Variants in ETAA1 observed in about 807,000 individuals in gnomAD.
ETAA1 encodes the protein ewing's tumor-associated antigen 1.
In ETAA1, 49 loss-of-function variants were observed where a neutral mutation model predicts 76.8. The observed-to-expected ratio is 0.64, with a 90% CI of 0.51 to 0.81. The LOEUF (loss-of-function observed/expected upper bound fraction) is 0.81, where lower values mean the gene tolerates loss of function less well. Ranked by LOEUF, ETAA1 falls within the 30% of genes least tolerant of loss-of-function variation. The pLI is 0.00. For synonymous variants in ETAA1, 373 were observed against 372.2 expected (o/e 1.00, Z -0.03); for missense variants, 1,099 against 1,074.0 (o/e 1.02, Z -0.32).
rs1676357514 is a variant in ETAA1 at position 67,411,019 on chromosome 2, A to T, written c.*981A>T. On this transcript the variant is annotated 3_prime_UTR_variant, in exon 6 of 6. Coordinates refer to ENST00000272342, the MANE Select transcript of ETAA1 (RefSeq NM_019002.4). ...AGTCTTTCCAGGATATAAAAATGAG[A>T]ATCTTTTTTCTTTTCAGTTTTTCTG... The T allele has an allele frequency of 6.6e-6, 1 of 152,032 alleles. No homozygotes were observed. The highest frequency in any genetic ancestry group is 1.5e-5 in the Non-Finnish European group (1 of 67,960). The allele number at this position is 152,032 out of a possible 1,614,324, so 9.4% of individuals were successfully genotyped here.
rs1196443848 is a variant in ETAA1, at chr2:67,411,405, A to C, written c.*1367A>C. On this transcript the variant is annotated 3_prime_UTR_variant, in exon 6 of 6. Coordinates refer to ENST00000272342, the MANE Select transcript of ETAA1 (RefSeq NM_019002.4). Reference sequence around the variant, plus strand: ...CATGAGTTGAAAATACCTTAAGTTAAAAATGCATTTACTACACTTAATCTA... The same window carrying C: ...CATGAGTTGAAAATACCTTAAGTTACAAATGCATTTACTACACTTAATCTA... 1 of 152,080 alleles carries C rather than the reference A, an allele frequency of 6.6e-6. No individual in the cohort carries two copies. The highest frequency in any genetic ancestry group is 1.9e-4 in the East Asian group (1 of 5,198). 9.4% of individuals were successfully genotyped at this position (152,080 alleles called of 1,614,324 possible). A position where few individuals can be genotyped will look rare whatever the true frequency, so the allele number is the denominator to read the frequency against.
In ETAA1 at chr2:67,397,427, T is replaced by C; in HGVS notation, c.-22T>C. 6.4e-7 allele frequency: 1 copy of C among 1,573,474 alleles called. No homozygotes were observed. Among genetic ancestry groups the C allele is most frequent in the Non-Finnish European group, 8.6e-7 (1 of 1,158,882 alleles). ...TGCAAAATGTGAAAGAAGAAGCGGCTGGTGGAGGCGGGCCATAGGCAATGA... is the reference window on the plus strand; with the variant it reads ...TGCAAAATGTGAAAGAAGAAGCGGCCGGTGGAGGCGGGCCATAGGCAATGA... On this transcript the variant is annotated 5_prime_UTR_variant, in exon 1 of 6. Coordinates refer to ENST00000272342, the MANE Select transcript of ETAA1 (RefSeq NM_019002.4).
chr2:67,408,110 T>C (rs913918508), intron 5 of ETAA1, among the ~76,000 whole-genome samples: 1 of 152,220 alleles, frequency 6.6e-6, no homozygotes, highest in African/African-American at 2.4e-5. Context: ...TCTTAATTAC[T>C]ATTAACTTTG....
chr2:67,404,624 A>T lies in ETAA1; in HGVS notation c.1942A>T (p.Lys648Ter). 6.2e-7 allele frequency: 1 copy of T among 1,613,480 alleles called. No individual in the cohort carries two copies. Among genetic ancestry groups the T allele is most frequent in the Non-Finnish European group, 8.5e-7 (1 of 1,179,602 alleles). The part of the protein sequence containing the change: ...EINNNSEHGA[K>*]LTQQQDIRKD... ...CAATAATAATTCCGAACATGGAGCC[A>T]AACTAACTCAGCAACAAGACATTAG... Residue 648 changes from lysine to a stop codon, truncating the protein, a stop_gained, in exon 5 of 6, where the codon AAA becomes TAA. Transcript: ENST00000272342. LOFTEE classifies it high-confidence loss of function.
rs761052430 is a variant in ETAA1 at position 67,402,851 on chromosome 2, A to G, written c.430-11A>G. On this transcript the variant is annotated splice_polypyrimidine_tract_variant and intron_variant, in intron 3 of 5. Coordinates refer to ENST00000272342, the MANE Select transcript of ETAA1 (RefSeq NM_019002.4). Reference sequence around the variant, plus strand: ...GTACTTTATACCTCTTTTTTTCCCTATCTGCCAAAGGATGAAAAACCAACA... The same window carrying G: ...GTACTTTATACCTCTTTTTTTCCCTGTCTGCCAAAGGATGAAAAACCAACA... 10 of 1,564,720 alleles carry G rather than the reference A, an allele frequency of 6.4e-6. No individual in the cohort carries two copies. The East Asian group carries it at 7.0e-5, about 11-fold the overall frequency.
chr2:67,403,934 A>C lies in ETAA1; in HGVS notation c.1252A>C (p.Thr418Pro). The C allele has an allele frequency of 6.2e-7, 1 of 1,611,544 alleles. No homozygotes were observed. The highest frequency in any genetic ancestry group is 8.5e-7 in the Non-Finnish European group (1 of 1,179,076). The change falls in exon 5 of 6, where the codon ACC (threonine) becomes CCC (proline). Residue 418 changes from threonine (T) to proline (P), a missense_variant. Around this residue, in one of 3 missense-constraint regions of ETAA1, gnomAD observed 761 missense variants for 731.9 expected, o/e 1.04. Transcript: ENST00000272342. ...TGTTACTGATCAAAAGGAAATTTGT[A>C]CCTTTAATAGTAAAACTGTTAAAAA... Reference protein sequence around the residue: ...AHVTDQKEICTFNSKTVKNTS... With the variant: ...AHVTDQKEICPFNSKTVKNTS...
In ETAA1 at chr2:67,404,097, A is replaced by G; in HGVS notation, c.1415A>G (p.Lys472Arg). The G allele has an allele frequency of 3.8e-6, 6 of 1,594,838 alleles. No homozygotes were observed. The highest frequency in any genetic ancestry group is 4.3e-6 in the Non-Finnish European group (5 of 1,173,250). The change falls in exon 5 of 6, where the codon AAA (lysine) becomes AGA (arginine). Residue 472 changes from lysine (K) to arginine (R), a missense_variant. Around this residue, in one of 3 missense-constraint regions of ETAA1, gnomAD observed 761 missense variants for 731.9 expected, o/e 1.04. Coordinates refer to ENST00000272342, the MANE Select transcript of ETAA1 (RefSeq NM_019002.4). Reference protein sequence around the residue: ...RFSPNSNKSNKLSTGNKMKFE... With the variant: ...RFSPNSNKSNRLSTGNKMKFE... Reference sequence around the variant, plus strand: ...TCACCAAATTCAAATAAATCAAACAAATTATCCACTGGAAATAAAATGAAA... The same window carrying G: ...TCACCAAATTCAAATAAATCAAACAGATTATCCACTGGAAATAAAATGAAA...
chr2:67,397,588 G>C lies in ETAA1; in HGVS notation c.140G>C (p.Gly47Ala). Residue 47 changes from glycine (G) to alanine (A), a missense_variant, in exon 1 of 6, where the codon GGG (glycine) becomes GCG (alanine). Physicochemically the swap from Gly to Ala is moderately conservative, Grantham distance 60. This residue lies in a region of ETAA1 where 761 missense variants were observed against 731.9 expected (regional missense o/e 1.04). Transcript: ENST00000272342. ...LRSARGSWPCGAREGPPGPVR... is the reference protein window; with the variant it reads ...LRSARGSWPCAAREGPPGPVR... ...TCGGCCCGCGGTTCGTGGCCCTGCG[G>C]GGCTAGAGAGGGGCCTCCCGGGCCA... The C allele has an allele frequency of 6.4e-7, 1 of 1,554,408 alleles. No homozygotes were observed. The highest frequency in any genetic ancestry group is 8.7e-7 in the Non-Finnish European group (1 of 1,149,672).
chr2:67,410,216 G>A lies in ETAA1; in HGVS notation c.*178G>A. 2 of 594,156 alleles carry A rather than the reference G, an allele frequency of 3.4e-6. No homozygotes were observed. The highest frequency in any genetic ancestry group is 5.7e-6 in the Non-Finnish European group (2 of 353,868). 36.8% of individuals were successfully genotyped at this position (594,156 alleles called of 1,614,324 possible). ...GTAAATGAAACATTTCCTTGGACATGTATTTGAAAGTCATTAAATACAAAA... is the reference window on the plus strand; with the variant it reads ...GTAAATGAAACATTTCCTTGGACATATATTTGAAAGTCATTAAATACAAAA... On this transcript the variant is annotated 3_prime_UTR_variant, in exon 6 of 6. Coordinates refer to ENST00000272342, the MANE Select transcript of ETAA1 (RefSeq NM_019002.4).
chr2:67,398,776 T>G (rs944771914), intron 1 of ETAA1, among the ~76,000 whole-genome samples: 9 of 152,194 alleles, frequency 5.9e-5, no homozygotes, highest in African/African-American at 2.2e-4. Flanking sequence ...GTAGATTAGA[T>G]AGAGTTGGTG....
intron 3 of ETAA1, 100 bp downstream of exon 3, chr2:67,399,726 C>A (rs1312050010): frequency 9.4e-6 from 7 of 748,298 alleles, no homozygotes; most frequent in South Asian, 2.5e-5. Context: ...TATTATAATT[C>A]TTTTTTCCAA....
rs759198673 is a variant in ETAA1, at chr2:67,403,927, A to T, written c.1245A>T (p.Glu415Asp). 3 of 1,611,892 alleles carry T rather than the reference A, an allele frequency of 1.9e-6. No homozygotes were observed. In the Admixed American group the frequency reaches 5.0e-5, roughly 27 times the overall value. ...CAGCCCATGTTACTGATCAAAAGGA[A>T]ATTTGTACCTTTAATAGTAAAACTG... The part of the protein sequence containing the change: ...SKTAHVTDQK[E>D]ICTFNSKTVK... Residue 415 changes from glutamate (E) to aspartate (D), a missense_variant, in exon 5 of 6, where the codon GAA (glutamate) becomes GAT (aspartate). This residue lies in a region of ETAA1 where 761 missense variants were observed against 731.9 expected (regional missense o/e 1.04). Coordinates refer to ENST00000272342, the MANE Select transcript of ETAA1 (RefSeq NM_019002.4).
At chr2:67,399,663 G>A (rs780170971) in intron 3 of ETAA1, 37 bp downstream of exon 3, 1 of 1,343,332 alleles carries the variant, frequency 7.4e-7, no homozygotes, top group Non-Finnish European at 1.1e-6. Flanking sequence ...TTTTAAAACA[G>A]TGAAGAATGT....
Position 67,403,573 on chromosome 2 carries a change from A to G in ETAA1, c.891A>G (p.Leu297=). ...DGSTQKCSGQ[L]SQELPEAFWS... ...CTACTCAGAAATGTAGCGGACAGTT[A>G]AGCCAAGAACTGCCAGAGGCTTTTT... The change falls in exon 5 of 6, where the codon TTA becomes TTG. Residue 297 remains leucine, a synonymous_variant. Transcript: ENST00000272342. 6.2e-7 allele frequency: 1 copy of G among 1,613,376 alleles called. No individual in the cohort carries two copies. The highest frequency in any genetic ancestry group is 8.5e-7 in the Non-Finnish European group (1 of 1,179,412).
rs1330660381 is a variant in ETAA1, at chr2:67,405,247, A to C, written c.2565A>C (p.Lys855Asn). 2 of 1,611,630 alleles carry C rather than the reference A, an allele frequency of 1.2e-6. No individual in the cohort carries two copies. Among genetic ancestry groups the C allele is most frequent in the African/African-American group, 2.7e-5 (2 of 74,790 alleles). The change falls in exon 5 of 6, where the codon AAA becomes AAC. Residue 855 changes from lysine (K) to asparagine (N), a missense_variant. By Grantham distance (94) the Lys-to-Asn change is moderately conservative (BLOSUM62 0). Around this residue, in one of 3 missense-constraint regions of ETAA1, gnomAD observed 302 missense variants for 278.1 expected, o/e 1.09. Coordinates refer to ENST00000272342, the MANE Select transcript of ETAA1 (RefSeq NM_019002.4). Reference sequence around the variant, plus strand: ...CCAAAATTACACAGGGTGTGGAGAAAAAGAAAGGTGTCAACCCATTACTGG... The same window carrying C: ...CCAAAATTACACAGGGTGTGGAGAACAAGAAAGGTGTCAACCCATTACTGG... ...SDTKITQGVE[K>N]KKGVNPLLEE...
Position 67,397,499 on chromosome 2 carries a change from G to A in ETAA1, c.51G>A (p.Pro17=). 1 of 1,602,288 alleles carries A rather than the reference G, an allele frequency of 6.2e-7. No individual in the cohort carries two copies. The highest frequency in any genetic ancestry group is 1.1e-5 in the South Asian group (1 of 89,278). Residue 17 remains proline (P), a synonymous_variant, in exon 1 of 6, where the codon CCG becomes CCA. Coordinates refer to ENST00000272342, the MANE Select transcript of ETAA1 (RefSeq NM_019002.4). Reference sequence around the variant, plus strand: ...ACAGCCCTAGCCCGAAGAAAACGCCGCACAAAACAGTGGCGGCGGAGGAAT... The same window carrying A: ...ACAGCCCTAGCCCGAAGAAAACGCCACACAAAACAGTGGCGGCGGAGGAAT... The part of the protein sequence containing the change: ...HDDSPSPKKT[P]HKTVAAEECG...
intron 1 of ETAA1, among the ~76,000 whole-genome samples, chr2:67,398,468 T>C (rs951319003): frequency 6.6e-6 from 1 of 152,062 alleles, no homozygotes; most frequent in Non-Finnish European, 1.5e-5. Context: ...CCCAAGTAGC[T>C]GGGACTACAG....
At position 67,410,659 on chromosome 2, in the gene ETAA1, G is replaced by A. The variant is rs190538127; in HGVS notation, c.*621G>A. On this transcript the variant is annotated 3_prime_UTR_variant, in exon 6 of 6. Transcript: ENST00000272342. ...TTTGATTTTAGAAGTCTAACATAGA[G>A]GAAAAGAAGTAGTGGATTGTCTACA... 6.6e-6 allele frequency: 1 copy of A among 151,946 alleles called. No individual in the cohort carries two copies. Among genetic ancestry groups the A allele is most frequent in the East Asian group, 1.9e-4 (1 of 5,188 alleles). The allele number at this position is 151,946 out of a possible 1,614,324, so 9.4% of individuals were successfully genotyped here.
intron 3 of ETAA1, chr2:67,400,796 GA>G: frequency 6.6e-6 from 1 of 152,228 alleles, no homozygotes; most frequent in Middle Eastern, 3.4e-3. Context: ...CACCCAGGTG[GA>G]AGAGACAGAA....
Sources: gnomAD v4.1 joint callset for allele counts (sites outside exome capture counted in the v4.1 genomes callset) on GRCh38, gnomAD v4.1.1 for gene constraint, gnomAD v4.1.1 regional missense constraint, MANE v1.5 for transcripts, NCBI Gene and HGNC (gene_info 2026-07-23, HGNC 2026-07-21) for gene names.